The following OCA2 variants were observed in gnomAD, a reference collection of about 807,000 sequenced individuals.
OCA2 encodes OCA2 melanosomal transmembrane protein.
OCA2 carries 77 observed loss-of-function variants against 100.2 expected under a neutral mutation model. The ratio of observed to expected loss-of-function variants is 0.77; its 90% CI spans 0.64 to 0.93. OCA2 has a LOEUF of 0.93. OCA2 is among the 40% of genes least tolerant of loss of function. The pLI, the probability that OCA2 is intolerant of heterozygous loss-of-function variation, is 0.00. For missense variants in OCA2, 1,062 were observed against 1,089.1 expected, an observed-to-expected ratio of 0.98 and a Z score of 0.35; for synonymous variants, 432 against 439.2, an observed-to-expected ratio of 0.98 and a Z score of 0.21.
rs183469826 is a variant in OCA2 at position 27,869,309 on chromosome 15, T to C, written c.2244+1845A>G. On this transcript the variant is annotated intron_variant, in intron 21 of 23. Coordinates refer to ENST00000354638, the MANE Select transcript of OCA2 (RefSeq NM_000275.3). ...CAGAGATGGATGGGACCCACATTCA[T>C]GAGGGCAGAGATGGTCCTGAGACTC... Among the ~76,000 whole-genome samples the C allele has an allele frequency of 1.2e-3, 183 of 152,332 alleles. 4 individuals carry two copies. In the East Asian group the frequency reaches 0.031, roughly 26 times the overall value.
intron 23 of OCA2, among the ~76,000 whole-genome samples, chr15:27,819,847 A>T (rs1278779700): frequency 6.6e-6 from 1 of 152,174 alleles, no homozygotes; most frequent in African/African-American, 2.4e-5. Flanking sequence ...GGCTTATAAT[A>T]CCAGTCTCCA....
At chr15:27,769,070 G>C (rs1206933271) in intron 23 of OCA2, among the ~76,000 whole-genome samples, 2 of 152,182 alleles carry the variant, frequency 1.3e-5, no homozygotes, top group African/African-American at 4.8e-5. Context: ...CCATTTCCCA[G>C]AAGATCCATT....
intron 13 of OCA2, among the ~76,000 whole-genome samples, chr15:27,983,990 A>G (rs962227191): frequency 6.6e-6 from 1 of 150,534 alleles, no homozygotes; most frequent in Non-Finnish European, 1.5e-5. Flanking sequence ...AAAACATACT[A>G]GATATATATA....
chr15:27,794,155 T>A (rs916665608), intron 23 of OCA2, among the ~76,000 whole-genome samples: 1 of 152,316 alleles, frequency 6.6e-6, no homozygotes, highest in African/African-American at 2.4e-5. Context: ...CACCTCTGCA[T>A]CAGGAACCCT....
intron 23 of OCA2, among the ~76,000 whole-genome samples, chr15:27,842,060 A>G (rs1445128455): frequency 6.6e-6 from 1 of 152,254 alleles, no homozygotes; most frequent in East Asian, 1.9e-4. Flanking sequence ...CTATAAAGAT[A>G]TTTATCACAC....
At chr15:27,841,778 A>G (rs904059520) in intron 23 of OCA2, among the ~76,000 whole-genome samples, 1 of 151,724 alleles carries the variant, frequency 6.6e-6, no homozygotes, top group Non-Finnish European at 1.5e-5. Context: ...AAGAAATGCA[A>G]ATATTCAGTG....
At position 27,957,795 on chromosome 15, in the gene OCA2, T is replaced by G; in HGVS notation, c.1637-60A>C. ...ATGACCTCAGATATCAGCAACACCC[T>G]CCTCTGTTCCCCACACAGTCGATGC... On this transcript the variant is annotated intron_variant, in intron 15 of 23. Transcript: ENST00000354638. The surrounding 1 kb of genome is among the most constrained non-coding windows in gnomAD (Gnocchi z 4.3). 1 of 1,591,902 alleles carries G rather than the reference T, an allele frequency of 6.3e-7. No homozygotes were observed. The highest frequency in any genetic ancestry group is 8.6e-7 in the Non-Finnish European group (1 of 1,163,258).
At chr15:27,958,789 T>G (rs1050600031) in intron 15 of OCA2, among the ~76,000 whole-genome samples, 8 of 152,176 alleles carry the variant, frequency 5.3e-5, no homozygotes, top group Admixed American at 1.3e-4. Flanking sequence ...AACCATCCCT[T>G]ACGTGCAATA....
At chr15:27,834,832 C>G (rs115218560) in intron 23 of OCA2, among the ~76,000 whole-genome samples, 1 of 152,168 alleles carries the variant, frequency 6.6e-6, no homozygotes, top group African/African-American at 2.4e-5. Context: ...GCGGTAAACA[C>G]GAGGTGCTGC....
chr15:28,048,389 C>G (rs192782939), intron 2 of OCA2, among the ~76,000 whole-genome samples: 1 of 152,170 alleles, frequency 6.6e-6, no homozygotes. Context: ...TAAACTCATA[C>G]ATCTTATGGC....
intron 18 of OCA2, among the ~76,000 whole-genome samples, chr15:27,937,675 T>C (rs1219835507): frequency 6.6e-6 from 1 of 152,254 alleles, no homozygotes; most frequent in Admixed American, 6.5e-5. Context: ...CCTTCTCATA[T>C]GCTTACTAAT....
chr15:27,953,538 C>T (rs940679006), intron 17 of OCA2, among the ~76,000 whole-genome samples: 1 of 152,156 alleles, frequency 6.6e-6, no homozygotes, highest in Non-Finnish European at 1.5e-5. Flanking sequence ...TCTCACCAGG[C>T]ATGAGGGGAG....
At chr15:27,813,375 A>T (rs1194448742) in intron 23 of OCA2, among the ~76,000 whole-genome samples, 1 of 151,652 alleles carries the variant, frequency 6.6e-6, no homozygotes, top group Non-Finnish European at 1.5e-5. Context: ...CTTCACTGGC[A>T]CCCCCCATAT....
chr15:27,812,292 T>C (rs1391481588), intron 23 of OCA2, among the ~76,000 whole-genome samples: 1 of 152,218 alleles, frequency 6.6e-6, no homozygotes, highest in African/African-American at 2.4e-5. Flanking sequence ...TCTAAGATTG[T>C]AAGTGGTTTC....
intron 9 of OCA2, among the ~76,000 whole-genome samples, chr15:27,992,225 C>T (rs2041579673): frequency 6.6e-6 from 1 of 152,092 alleles, no homozygotes; most frequent in Non-Finnish European, 1.5e-5. Flanking sequence ...CTCAGCCTCC[C>T]AAGTAGCTGC....
chr15:27,983,520 A>G, intron 13 of OCA2, 37 bp from the exon 14 acceptor site: 2 of 1,612,992 alleles, frequency 1.2e-6, no homozygotes, highest in Non-Finnish European at 1.7e-6. Context: ...TAGTCCCACT[A>G]TACACATCGT....
chr15:27,877,373 G>A (rs1380841415), intron 19 of OCA2, among the ~76,000 whole-genome samples: 1 of 151,606 alleles, frequency 6.6e-6, no homozygotes, highest in Non-Finnish European at 1.5e-5. Flanking sequence ...TAGCTTCTAT[G>A]GCTTTCCTGA....
chr15:27,961,020 A>G (rs2040394266), intron 15 of OCA2, among the ~76,000 whole-genome samples: 1 of 152,174 alleles, frequency 6.6e-6, no homozygotes, highest in Non-Finnish European at 1.5e-5. Flanking sequence ...CAGGCAACCT[A>G]TAGAATGGCA....
At chr15:27,955,530 A>G (rs977446889) in intron 16 of OCA2, among the ~76,000 whole-genome samples, 3 of 152,230 alleles carry the variant, frequency 2.0e-5, no homozygotes, top group Admixed American at 6.5e-5. Context: ...AGCGACCGTC[A>G]GTCTCTTTAT....
Sources: allele counts gnomAD v4.1 joint callset (sites outside exome capture counted in the v4.1 genomes callset), GRCh38; gene constraint gnomAD v4.1.1; non-coding constraint Gnocchi (gnomAD v3.1); transcripts MANE v1.5; gene names NCBI Gene and HGNC (gene_info 2026-07-23, HGNC 2026-07-21).